The following STON2 variants were observed in gnomAD, a reference collection of about 807,000 sequenced individuals.
STON2 encodes stonin-2.
STON2 carries 29 observed loss-of-function variants against 65.7 expected under a neutral mutation model. That is an observed-to-expected ratio of 0.44 (90% CI 0.33 to 0.60). STON2 has a LOEUF of 0.60. Ranked by LOEUF, STON2 falls within the 20% of genes least tolerant of loss-of-function variation. The pLI is 0.03. For missense variants in STON2, 1,054 were observed against 1,118.1 expected (o/e 0.94, Z 0.82); for synonymous variants, 404 against 414.2 (o/e 0.98, Z 0.30).
intron 5 of STON2, among the ~76,000 whole-genome samples, chr14:81,297,576 C>T (rs1895809400): frequency 6.6e-6 from 1 of 152,144 alleles, no homozygotes. Context: ...CCAAATAAGA[C>T]ATGTGAATGC....
chr14:81,421,020 A>C (rs1051349293), intron 2 of STON2, among the ~76,000 whole-genome samples: 2 of 152,174 alleles, frequency 1.3e-5, no homozygotes, highest in African/African-American at 4.8e-5. Flanking sequence ...GGAGGACGAG[A>C]GGCTCAGAAA....
intron 3 of STON2, among the ~76,000 whole-genome samples, chr14:81,383,103 C>A (rs1899611930): frequency 6.6e-6 from 1 of 152,168 alleles, no homozygotes; most frequent in South Asian, 2.1e-4. Flanking sequence ...ATATTTCAAG[C>A]CACATCCATC....
At chr14:81,272,362 G>T (rs796232587) in intron 6 of STON2, among the ~76,000 whole-genome samples, 6 of 152,334 alleles carry the variant, frequency 3.9e-5, no homozygotes, top group African/African-American at 1.4e-4. Flanking sequence ...GGATTGAGCT[G>T]TAAGAACCCC....
At chr14:81,331,508 G>A (rs75997188) in intron 4 of STON2, among the ~76,000 whole-genome samples, 1,885 of 152,150 alleles carry the variant, frequency 0.012, 36 homozygotes, top group African/African-American at 0.043. Flanking sequence ...TGGGAGGGGG[G>A]GTACAGAGCC....
chr14:81,277,639 C>T lies in STON2; in HGVS notation c.1843G>A (p.Asp615Asn). The change falls in exon 6 of 8, where the codon GAC becomes AAC. Residue 615 changes from aspartate to asparagine, a missense_variant. Transcript: ENST00000614646. ...RLMDLPVLSM[D>N]LSTVGLNYLE... ...TAGTTGAGGCCAACTGTGCTCAAGTCCATTGACAACACTGGCAGATCCATG... is the reference window on the plus strand; with the variant it reads ...TAGTTGAGGCCAACTGTGCTCAAGTTCATTGACAACACTGGCAGATCCATG... 1.2e-6 allele frequency: 2 copies of T among 1,614,156 alleles called. No homozygotes were observed. Among genetic ancestry groups the T allele is most frequent in the Non-Finnish European group, 1.7e-6 (2 of 1,180,036 alleles).
chr14:81,366,019 G>A (rs924689983), intron 4 of STON2, among the ~76,000 whole-genome samples: 1 of 152,138 alleles, frequency 6.6e-6, no homozygotes, highest in Non-Finnish European at 1.5e-5. Context: ...GGAGATGAGG[G>A]GTAAGAGAGG....
intron 5 of STON2, among the ~76,000 whole-genome samples, chr14:81,305,647 T>C (rs1896144313): frequency 6.6e-6 from 1 of 152,260 alleles, no homozygotes; most frequent in Admixed American, 6.5e-5. Flanking sequence ...CCTCCTCTTA[T>C]GCTGCAGCTT....
chr14:81,317,482 T>G (rs1896668355), intron 5 of STON2, among the ~76,000 whole-genome samples: 1 of 152,352 alleles, frequency 6.6e-6, no homozygotes, highest in Non-Finnish European at 1.5e-5. Context: ...AGTGTCACCA[T>G]AAAACATAAT....
At chr14:81,412,898 C>G in intron 2 of STON2, 1 of 590,526 alleles carries the variant, frequency 1.7e-6, no homozygotes, top group South Asian at 2.4e-5. Context: ...GATGGCAGCT[C>G]CAGCCGGGCG....
At chr14:81,401,503 C>T (rs2371596), upstream of STON2, among the ~76,000 whole-genome samples, 26,761 of 152,032 alleles carry the variant, frequency 0.18, 3,029 homozygotes, top group East Asian at 0.43. Context: ...CATAAGAAAT[C>T]AGACCTTGAA....
chr14:81,321,828 A>C (rs996304008), intron 5 of STON2, among the ~76,000 whole-genome samples: 3 of 152,110 alleles, frequency 2.0e-5, no homozygotes, highest in African/African-American at 7.2e-5. Context: ...CAACCCAGAG[A>C]TCCATTTCTT....
At chr14:81,406,902 A>G (rs1280674881) in intron 2 of STON2, among the ~76,000 whole-genome samples, 1 of 151,476 alleles carries the variant, frequency 6.6e-6, no homozygotes, top group African/African-American at 2.4e-5. Flanking sequence ...CTGCTCCCCA[A>G]CTCTCTGCTC....
intron 4 of STON2, among the ~76,000 whole-genome samples, chr14:81,362,518 C>CA (rs1470504130): frequency 6.6e-6 from 1 of 152,084 alleles, no homozygotes; most frequent in Non-Finnish European, 1.5e-5. Flanking sequence ...TTAAAGGGTA[C>CA]AAAGCCTCAA....
At chr14:81,325,838 C>T (rs1211045872) in intron 4 of STON2, among the ~76,000 whole-genome samples, 9 of 152,028 alleles carry the variant, frequency 5.9e-5, no homozygotes, top group African/African-American at 2.2e-4. Context: ...CCACAGTATG[C>T]ACAGAGGGGC....
rs2140090210 is a variant in STON2, at chr14:81,266,938, A to C, written c.*1476T>G. The C allele has an allele frequency of 1.0e-6, 1 of 984,932 alleles. No homozygotes were observed. Among genetic ancestry groups the C allele is most frequent in the East Asian group, 1.1e-4 (1 of 8,816 alleles). 61.0% of individuals were successfully genotyped at this position (984,932 alleles called of 1,614,324 possible). A position where few individuals can be genotyped will look rare whatever the true frequency, so the allele number is the denominator to read the frequency against. On this transcript the variant is annotated 3_prime_UTR_variant, in exon 8 of 8. Coordinates refer to ENST00000614646, the MANE Select transcript of STON2 (RefSeq NM_001394390.1). ...CCTATTCAATCATCATTTTACTTTC[A>C]GTCTTAGTTCAGATATTTCAAAATA...
At position 81,267,026 on chromosome 14, in the gene STON2, T is replaced by C. The variant is rs1894382537; in HGVS notation, c.*1388A>G. The C allele has an allele frequency of 1.0e-6, 1 of 985,404 alleles. No homozygotes were observed. Among genetic ancestry groups the C allele is most frequent in the South Asian group, 4.7e-5 (1 of 21,288 alleles). The allele number at this position is 985,404 out of a possible 1,614,324, so 61.0% of individuals were successfully genotyped here. A position where few individuals can be genotyped will look rare whatever the true frequency, so the allele number is the denominator to read the frequency against. On this transcript the variant is annotated 3_prime_UTR_variant, in exon 8 of 8. Coordinates refer to ENST00000614646, the MANE Select transcript of STON2 (RefSeq NM_001394390.1). ...TAGACTCCAATGATTGTTCATTGAA[T>C]ACATTAATCTTGAATCCATCAGCCA...
chr14:81,373,831 T>C (rs768946420), intron 3 of STON2, among the ~76,000 whole-genome samples: 83 of 151,298 alleles, frequency 5.5e-4, no homozygotes, highest in Non-Finnish European at 9.0e-4. Flanking sequence ...GCATGAAGAG[T>C]AGAGGAAAAA....
chr14:81,433,164 G>A (rs550252427), intron 1 of STON2, among the ~76,000 whole-genome samples: 9 of 152,336 alleles, frequency 5.9e-5, no homozygotes, highest in South Asian at 2.1e-4. Flanking sequence ...GAGAGAGCAC[G>A]TGCATTTTAG....
intron 4 of STON2, among the ~76,000 whole-genome samples, chr14:81,348,032 T>C (rs1168941610): frequency 6.6e-6 from 1 of 150,398 alleles, no homozygotes; most frequent in Non-Finnish European, 1.5e-5. Flanking sequence ...ACTAAAATCA[T>C]CTCAATAGGC....
Sources: allele counts gnomAD v4.1 joint callset (sites outside exome capture counted in the v4.1 genomes callset), GRCh38; gene constraint gnomAD v4.1.1; transcripts MANE v1.5; gene names NCBI Gene and HGNC (gene_info 2026-07-23, HGNC 2026-07-21).